SPATA6L: variants seen among roughly 807,000 people sequenced by gnomAD.
SPATA6L encodes spermatogenesis associated 6 like.
Under a neutral mutation model 49.2 loss-of-function variants are expected in SPATA6L, and 68 were observed. The observed-to-expected ratio is 1.38, with a 90% CI of 1.14 to 1.69. The LOEUF (loss-of-function observed/expected upper bound fraction) is 1.69, where lower values mean the gene tolerates loss of function less well. SPATA6L is among the 40% of genes most tolerant of loss of function. The pLI, the probability that SPATA6L is intolerant of heterozygous loss-of-function variation, is 0.00. For missense variants in SPATA6L, 668 were observed against 464.3 expected, an observed-to-expected ratio of 1.44 and a Z score of -4.03; for synonymous variants, 198 against 165.7, an observed-to-expected ratio of 1.19 and a Z score of -1.50.
intron 9 of SPATA6L, among the ~76,000 whole-genome samples, chr9:4,610,001 AACAG>A (rs1826278131): frequency 2.0e-5 from 3 of 151,954 alleles, no homozygotes; most frequent in South Asian, 4.2e-4. Flanking sequence ...ATACACCAAC[AACAG>A]ACAAACAGAG....
intron 4 of SPATA6L, among the ~76,000 whole-genome samples, chr9:4,629,769 G>GTGTGTGTGTGTGTATATATA (rs1311805859): frequency 2.0e-5 from 2 of 101,922 alleles, no homozygotes; most frequent in African/African-American, 9.9e-5. Context: ...GTGTGTGTGT[G>GTGTGTGTGTGTGTATATATA]TATATATATA....
intron 3 of SPATA6L, among the ~76,000 whole-genome samples, chr9:4,641,139 G>C (rs899967632): frequency 6.6e-6 from 1 of 152,066 alleles, no homozygotes; most frequent in African/African-American, 2.4e-5. Context: ...ACTGTCATAT[G>C]TCTTTCAAGA....
At chr9:4,611,142 GA>G in intron 9 of SPATA6L, among the ~76,000 whole-genome samples, 1 of 148,358 alleles carries the variant, frequency 6.7e-6, no homozygotes, top group Non-Finnish European at 1.5e-5. Context: ...AAAAAGTCAG[GA>G]AACAACAGGT....
chr9:4,640,239 T>C (rs933166664), intron 3 of SPATA6L, among the ~76,000 whole-genome samples: 5 of 152,198 alleles, frequency 3.3e-5, no homozygotes, highest in African/African-American at 1.2e-4. Context: ...CCTGTGTCCA[T>C]TCCTTTTTTC....
intron 11 of SPATA6L, among the ~76,000 whole-genome samples, chr9:4,603,105 T>C (rs983138416): frequency 3.3e-5 from 5 of 152,216 alleles, no homozygotes; most frequent in East Asian, 1.9e-4. Flanking sequence ...CATGCATTCA[T>C]AATCAATGCA....
At chr9:4,605,321 G>C in intron 10 of SPATA6L, 26 bp downstream of exon 10, 7 of 1,565,080 alleles carry the variant, frequency 4.5e-6, no homozygotes, top group Non-Finnish European at 6.2e-6. Context: ...AGTGAGCAAA[G>C]ATCTAGTTTT....
At chr9:4,661,773 T>C in intron 2 of SPATA6L, 126 bp downstream of exon 2, 1 of 951,446 alleles carries the variant, frequency 1.1e-6, no homozygotes, top group Non-Finnish European at 1.4e-6. Context: ...TGCATTGTGC[T>C]GAAGTGCTTT....
rs551809085 is a variant in SPATA6L, at chr9:4,606,162, T to G, written c.996-722A>C. On this transcript the variant is annotated intron_variant, in intron 9 of 11. Transcript: ENST00000682582. The stretch of plus-strand genomic sequence containing the variant: ...CGGAGGGTCCTACGCCCACGGAGTC[T>G]CGCTGATTGCTAGCACAGCAGTCTG... 8.7e-4 allele frequency among the ~76,000 whole-genome samples: 132 copies of G among 151,614 alleles called. 1 individual carries two copies. The highest frequency in any genetic ancestry group is 3.1e-3 in the African/African-American group (129 of 41,224).
intron 3 of SPATA6L, among the ~76,000 whole-genome samples, chr9:4,653,141 T>A (rs1837306865): frequency 6.6e-6 from 1 of 152,342 alleles, no homozygotes. Context: ...AACAGGATTG[T>A]GTGTTGGCAT....
In SPATA6L at chr9:4,625,567, C is replaced by T; in HGVS notation, c.430-1G>A. 6.8e-7 allele frequency: 1 copy of T among 1,479,416 alleles called. No homozygotes were observed. Among genetic ancestry groups the T allele is most frequent in the Non-Finnish European group, 9.0e-7 (1 of 1,109,432 alleles). 91.6% of individuals were successfully genotyped at this position (1,479,416 alleles called of 1,614,324 possible). On this transcript the variant is annotated splice_acceptor_variant, in intron 5 of 11. Coordinates refer to ENST00000682582, the MANE Select transcript of SPATA6L (RefSeq NM_001353486.2). LOFTEE classifies it high-confidence loss of function. Reference sequence around the variant, plus strand: ...GCCTCCGTGACTCATGTCTTTCTTCCTGAAATAAACAAAAAAAGAATATTT... The same window carrying T: ...GCCTCCGTGACTCATGTCTTTCTTCTTGAAATAAACAAAAAAAGAATATTT...
chr9:4,616,744 C>T (rs1298443885), intron 9 of SPATA6L, among the ~76,000 whole-genome samples: 2 of 152,262 alleles, frequency 1.3e-5, no homozygotes, highest in Non-Finnish European at 2.9e-5. Flanking sequence ...CGCCACTATG[C>T]CCGGCTAATT....
Position 4,599,100 on chromosome 9 carries a change from T to A in SPATA6L, c.*1711A>T, listed in dbSNP as rs1023421620. Among the ~76,000 whole-genome samples, 4 of 152,244 alleles carry A rather than the reference T, an allele frequency of 2.6e-5. No homozygotes were observed. Among genetic ancestry groups the A allele is most frequent in the African/African-American group, 9.6e-5 (4 of 41,464 alleles). On this transcript the variant is annotated 3_prime_UTR_variant, in exon 12 of 12. Transcript: ENST00000682582. Reference sequence around the variant, plus strand: ...ACGTTTTATATACACTTTATACAGGTAGCCTGAAGGTAATTTTATACATGA... The same window carrying A: ...ACGTTTTATATACACTTTATACAGGAAGCCTGAAGGTAATTTTATACATGA...
Position 4,618,241 on chromosome 9 carries a change from C to T in SPATA6L, c.808-131G>A, listed in dbSNP as rs1440761181. The T allele has an allele frequency of 4.1e-4, 275 of 664,496 alleles. 2 individuals are homozygous for T. The highest frequency in any genetic ancestry group is 2.4e-5 in the Non-Finnish European group (10 of 408,352). 41.2% of individuals were successfully genotyped at this position (664,496 alleles called of 1,614,324 possible). On this transcript the variant is annotated intron_variant, in intron 8 of 11. Transcript: ENST00000682582. ...GAATATTTGCCCCAGGGATCTCCTG[C>T]AAATAGAAGAGGATCTGGAGAAGAG...
intron 3 of SPATA6L, 79 bp from the exon 4 acceptor site, chr9:4,635,478 T>A: frequency 1.5e-6 from 2 of 1,378,318 alleles, no homozygotes; most frequent in Middle Eastern, 2.1e-4. Flanking sequence ...AGGCAGATGA[T>A]GGCAGAGATG....
intron 3 of SPATA6L, among the ~76,000 whole-genome samples, chr9:4,652,530 A>G (rs1246234155): frequency 1.3e-5 from 2 of 152,154 alleles, no homozygotes; most frequent in African/African-American, 4.8e-5. Flanking sequence ...ACACTTGTAA[A>G]CTGAAAATTA....
At chr9:4,605,275 C>T (rs1220820598) in intron 10 of SPATA6L, 72 bp downstream of exon 10, 1 of 1,173,402 alleles carries the variant, frequency 8.5e-7, no homozygotes, top group Non-Finnish European at 1.3e-6. Flanking sequence ...GTCTGTCTCC[C>T]CGACTAGACT....
chr9:4,602,803 C>T (rs905530710), intron 11 of SPATA6L, among the ~76,000 whole-genome samples: 1 of 152,206 alleles, frequency 6.6e-6, no homozygotes, highest in African/African-American at 2.4e-5. Context: ...CCACCATTCA[C>T]TAGCCATGTC....
downstream of SPATA6L, among the ~76,000 whole-genome samples, chr9:4,595,383 CA>C (rs1321024436): frequency 6.6e-6 from 1 of 152,164 alleles, no homozygotes; most frequent in Non-Finnish European, 1.5e-5. Flanking sequence ...CAGACTTCTT[CA>C]AAGGCTTTGT....
rs1262554899 is a variant in SPATA6L, at chr9:4,598,534, G to GA, written c.*2276dup. ...GAGTTAATAGATGCAAAAGTAAAGG[G>GA]AAAAAAAGCGTAATTTAGTGTGAAA... is the stretch of plus-strand genomic sequence containing the variant. On this transcript the variant is annotated 3_prime_UTR_variant, in exon 12 of 12. Transcript: ENST00000682582. 6.6e-6 allele frequency among the ~76,000 whole-genome samples: 1 copy of GA among 151,866 alleles called. No individual in the cohort carries two copies. The highest frequency in any genetic ancestry group is 2.4e-5 in the African/African-American group (1 of 41,336).
Sources: gnomAD v4.1 joint callset for allele counts (sites outside exome capture counted in the v4.1 genomes callset) on GRCh38, gnomAD v4.1.1 for gene constraint, MANE v1.5 for transcripts, NCBI Gene and HGNC (gene_info 2026-07-23, HGNC 2026-07-21) for gene names.